MARCHF11: variants seen among roughly 807,000 people sequenced by gnomAD.
The protein encoded by MARCHF11 is membrane associated ring-CH-type finger 11.
A neutral mutation model predicts 37.3 loss-of-function variants in MARCHF11; 29 were observed. The ratio of observed to expected loss-of-function variants is 0.78; its 90% CI spans 0.58 to 1.06. The LOEUF is 1.06. Ranked by LOEUF, MARCHF11 falls within the 50% of genes least tolerant of loss-of-function variation. MARCHF11 has a pLI of 0.00. For missense variants in MARCHF11, 482 were observed against 533.4 expected (o/e 0.90, Z 0.95); for synonymous variants, 233 against 228.0 (o/e 1.02, Z -0.20).
chr5:16,112,194 C>A (rs1737152952), intron 2 of MARCHF11, among the ~76,000 whole-genome samples: 1 of 152,142 alleles, frequency 6.6e-6, no homozygotes, highest in Non-Finnish European at 1.5e-5. Flanking sequence ...GAGAAGAGAG[C>A]CAATATCCTC....
At chr5:16,077,022 G>A (rs957319632) in intron 3 of MARCHF11, among the ~76,000 whole-genome samples, 8 of 152,332 alleles carry the variant, frequency 5.3e-5, no homozygotes, top group East Asian at 3.9e-4. Context: ...ACATTGCAGC[G>A]TTTGGATAGG....
chr5:16,107,293 T>C (rs371566765), intron 2 of MARCHF11, among the ~76,000 whole-genome samples: 2 of 152,038 alleles, frequency 1.3e-5, no homozygotes, highest in East Asian at 3.9e-4. Flanking sequence ...ATAAACTAAG[T>C]AGTTTGGAAA....
At chr5:16,154,371 C>T (rs1010838941) in intron 2 of MARCHF11, among the ~76,000 whole-genome samples, 1 of 151,978 alleles carries the variant, frequency 6.6e-6, no homozygotes, top group Non-Finnish European at 1.5e-5. Flanking sequence ...CATAAATTAT[C>T]CAGTTATTTG....
At chr5:16,087,749 A>G (rs1325966362) in intron 3 of MARCHF11, among the ~76,000 whole-genome samples, 3 of 152,218 alleles carry the variant, frequency 2.0e-5, no homozygotes, top group Non-Finnish European at 2.9e-5. Flanking sequence ...TTGGGAAAGA[A>G]GAAACTGTAT....
rs560144583 is a variant in MARCHF11, at chr5:16,085,180, C to T, written c.886+5709G>A. ...AAGAGACAAACTAAGAAATAAAATC[C>T]CCGTAGCGTTAAAATTATAATAGAT... On this transcript the variant is annotated intron_variant, in intron 3 of 3. Transcript: ENST00000332432. Among the ~76,000 whole-genome samples, 5 of 151,928 alleles carry T rather than the reference C, an allele frequency of 3.3e-5. No individual in the cohort carries two copies. The East Asian group carries it at 9.7e-4, about 29-fold the overall frequency.
chr5:16,079,352 A>G (rs1429533058), intron 3 of MARCHF11, among the ~76,000 whole-genome samples: 1 of 152,064 alleles, frequency 6.6e-6, no homozygotes, highest in African/African-American at 2.4e-5. Flanking sequence ...TCTTTTCCCA[A>G]TGCACCACCT....
At chr5:16,152,426 T>C (rs1737903866) in intron 2 of MARCHF11, among the ~76,000 whole-genome samples, 1 of 152,014 alleles carries the variant, frequency 6.6e-6, no homozygotes, top group African/African-American at 2.4e-5. Context: ...TCAAATCCTG[T>C]TAATTAATTC....
intron 2 of MARCHF11, among the ~76,000 whole-genome samples, chr5:16,131,724 C>T (rs891479341): frequency 5.9e-5 from 9 of 152,204 alleles, no homozygotes; most frequent in Non-Finnish European, 7.3e-5. Flanking sequence ...TCAGCTCAAA[C>T]ATTCTGGGAA....
At chr5:16,167,437 C>T (rs1738190562) in intron 2 of MARCHF11, among the ~76,000 whole-genome samples, 1 of 152,066 alleles carries the variant, frequency 6.6e-6, no homozygotes, top group Non-Finnish European at 1.5e-5. Context: ...AGCATGAAAA[C>T]AGGTAAGCTG....
chr5:16,085,936 T>A (rs558747685), intron 3 of MARCHF11, among the ~76,000 whole-genome samples: 2 of 42,056 alleles, frequency 4.8e-5, no homozygotes, highest in East Asian at 1.3e-3. Context: ...CAAGACTCCA[T>A]CTCAAAAAAA....
At chr5:16,157,104 C>T (rs920693564) in intron 2 of MARCHF11, among the ~76,000 whole-genome samples, 2 of 151,634 alleles carry the variant, frequency 1.3e-5, no homozygotes, top group African/African-American at 4.9e-5. Context: ...TAAAACAATC[C>T]TATTTACAAT....
chr5:16,164,311 T>C (rs550473257), intron 2 of MARCHF11, among the ~76,000 whole-genome samples: 1 of 152,190 alleles, frequency 6.6e-6, no homozygotes, highest in Non-Finnish European at 1.5e-5. Flanking sequence ...TCAACAGTAA[T>C]AGTTGTAAAC....
chr5:16,125,286 G>A (rs1263817270), intron 2 of MARCHF11, among the ~76,000 whole-genome samples: 1 of 151,502 alleles, frequency 6.6e-6, no homozygotes, highest in East Asian at 1.9e-4. Context: ...AAGCCAATCT[G>A]TATATTAAAC....
At chr5:16,123,386 GC>G (rs1451515606) in intron 2 of MARCHF11, among the ~76,000 whole-genome samples, 2 of 152,142 alleles carry the variant, frequency 1.3e-5, no homozygotes, top group African/African-American at 4.8e-5. Context: ...AAGCAGAGAT[GC>G]CCTGAACAGA....
chr5:16,082,061 A>G (rs1461691810), intron 3 of MARCHF11, among the ~76,000 whole-genome samples: 4 of 152,236 alleles, frequency 2.6e-5, no homozygotes, highest in African/African-American at 9.7e-5. Flanking sequence ...GAGAAGAGAA[A>G]AAAATAATGG....
chr5:16,126,005 A>G (rs1298891611), intron 2 of MARCHF11, among the ~76,000 whole-genome samples: 1 of 152,152 alleles, frequency 6.6e-6, no homozygotes, highest in Admixed American at 6.5e-5. Flanking sequence ...GCTTTAAGAG[A>G]CTAATTCGAA....
chr5:16,067,546 A>G lies in MARCHF11; in HGVS notation c.1134T>C (p.Asn378=), dbSNP rs947789721. The change falls in exon 4 of 4, where the codon AAT becomes AAC. Residue 378 remains asparagine (N), a synonymous_variant. Coordinates refer to ENST00000332432, the MANE Select transcript of MARCHF11 (RefSeq NM_001102562.3). ...ATAAGTCTTCATGGGGCCTCATCCGATTGAACAGGTGCAATAACACATAGC... is the reference window on the plus strand; with the variant it reads ...ATAAGTCTTCATGGGGCCTCATCCGGTTGAACAGGTGCAATAACACATAGC... ...QCGYVLLHLF[N]RMRPHEDLSE... is the part of the protein sequence containing the mutation. 1.9e-6 allele frequency: 3 copies of G among 1,613,906 alleles called. No homozygotes were observed. The highest frequency in any genetic ancestry group is 2.5e-6 in the Non-Finnish European group (3 of 1,179,854).
At chr5:16,116,513 C>T (rs764875598) in intron 2 of MARCHF11, among the ~76,000 whole-genome samples, 3 of 152,070 alleles carry the variant, frequency 2.0e-5, no homozygotes, top group East Asian at 1.9e-4. Context: ...TTTAGAAAAT[C>T]GTTTCTGCTA....
rs1458795516 is a variant in MARCHF11 at position 16,150,000 on chromosome 5, GA to G, written c.693+27725del. 8.0e-5 allele frequency among the ~76,000 whole-genome samples: 12 copies of G among 149,990 alleles called. 3 individuals are homozygous for G. Among genetic ancestry groups the G allele is most frequent in the African/African-American group, 2.8e-4 (11 of 39,492 alleles). ...TAAACAGATAAAACGAATCCATTTT[GA>G]TAGGAGTTACCTTTGTGGGGCTGTC... On this transcript the variant is annotated intron_variant, in intron 2 of 3. Transcript: ENST00000332432.
Sources: gnomAD v4.1 joint callset for allele counts (sites outside exome capture counted in the v4.1 genomes callset) on GRCh38, gnomAD v4.1.1 for gene constraint, MANE v1.5 for transcripts, NCBI Gene and HGNC (gene_info 2026-07-23, HGNC 2026-07-21) for gene names.